COG7: variants seen among roughly 807,000 people sequenced by gnomAD.
COG7 encodes component of oligomeric golgi complex 7, also known as conserved oligomeric Golgi complex subunit 7.
COG7 carries 49 observed loss-of-function variants against 91.5 expected under a neutral mutation model. The observed-to-expected ratio is 0.54, with a 90% CI of 0.43 to 0.68. The LOEUF (loss-of-function observed/expected upper bound fraction) is 0.68. COG7 is among the 30% of genes least tolerant of loss of function. COG7 has a pLI of 0.00. For missense variants in COG7, 895 were observed against 961.3 expected (o/e 0.93, Z 0.91); for synonymous variants, 365 against 388.7 (o/e 0.94, Z 0.72).
In COG7 at chr16:23,452,971, T is replaced by G; in HGVS notation, c.24A>C (p.Ala8=). The G allele has an allele frequency of 1.9e-6, 3 of 1,614,096 alleles. No individual in the cohort carries two copies. Among genetic ancestry groups the G allele is most frequent in the Non-Finnish European group, 2.5e-6 (3 of 1,179,942 alleles). MDFSKFL[A]DDFDVKEWIN... ...TCCACTCCTTCACGTCGAAGTCGTCTGCCAGGAACTTGGAGAAGTCCATGG... is the reference window on the plus strand; with the variant it reads ...TCCACTCCTTCACGTCGAAGTCGTCGGCCAGGAACTTGGAGAAGTCCATGG... The change falls in exon 1 of 17, where the codon GCA becomes GCC. Residue 8 remains alanine (A), a synonymous_variant. Coordinates refer to ENST00000307149, the MANE Select transcript of COG7 (RefSeq NM_153603.4).
At position 23,434,126 on chromosome 16, in the gene COG7, C is replaced by T. The variant is rs988540575; in HGVS notation, c.688-459G>A. ...AGCAAACCTAGAAAACATAAAATTC[C>T]AAGCCAGGTGGAGTGGCACGCGCCT... On this transcript the variant is annotated intron_variant, in intron 5 of 16. Transcript: ENST00000307149. 2.0e-5 allele frequency among the ~76,000 whole-genome samples: 3 copies of T among 152,074 alleles called. No homozygotes were observed. In the South Asian group the frequency reaches 6.2e-4, roughly 32 times the overall value.
intron 9 of COG7, chr16:23,416,694 T>C: frequency 2.0e-6 from 1 of 495,852 alleles, no homozygotes; most frequent in South Asian, 2.2e-5. Flanking sequence ...GGTTTCTTTT[T>C]TTTTCTTAAC....
At chr16:23,417,309 T>C (rs940522773) in intron 8 of COG7, 188 bp from the exon 9 acceptor site, 1 of 632,490 alleles carries the variant, frequency 1.6e-6, no homozygotes, top group Non-Finnish European at 2.8e-6. Flanking sequence ...ATCAGTGGGA[T>C]CATGGAAATT....
chr16:23,445,116 C>G lies in COG7; in HGVS notation c.367G>C (p.Glu123Gln), dbSNP rs759438580. ...CACTTATCTGCTTCCTGAAGAGATTCGGCAGCAAGTTGCATTCTGGACTTC... is the reference window on the plus strand; with the variant it reads ...CACTTATCTGCTTCCTGAAGAGATTGGGCAGCAAGTTGCATTCTGGACTTC... ...QVKSRMQLAA[E>Q]SLQEADKWST... The change falls in exon 3 of 17, where the codon GAA becomes CAA. Residue 123 changes from glutamate to glutamine, a missense_variant. Transcript: ENST00000307149. 1 of 1,613,964 alleles carries G rather than the reference C, an allele frequency of 6.2e-7. No homozygotes were observed. The highest frequency in any genetic ancestry group is 1.3e-5 in the African/African-American group (1 of 74,896).
intron 10 of COG7, among the ~76,000 whole-genome samples, chr16:23,411,563 T>C (rs1268566790): frequency 6.6e-6 from 1 of 152,230 alleles, no homozygotes; most frequent in African/African-American, 2.4e-5. Context: ...GGTTTGTTAA[T>C]AGGTAAACGT....
intron 6 of COG7, among the ~76,000 whole-genome samples, chr16:23,430,574 C>T (rs1209383662): frequency 6.6e-6 from 1 of 151,238 alleles, no homozygotes; most frequent in African/African-American, 2.4e-5. Flanking sequence ...TGGATTCTCG[C>T]TCTGTTGCCC....
chr16:23,398,024 A>G, intron 14 of COG7, 22 bp downstream of exon 14: 1 of 1,604,284 alleles, frequency 6.2e-7, no homozygotes, highest in Non-Finnish European at 8.5e-7. Flanking sequence ...ACCACCCTGG[A>G]GAAGCACACA....
intron 11 of COG7, among the ~76,000 whole-genome samples, chr16:23,409,088 T>TGTGTGTGTGTGTGCGCGC (rs567307217): frequency 0.03 from 4,402 of 147,784 alleles, 119 homozygotes; most frequent in Admixed American, 0.06. Context: ...TGTGTGTGTG[T>TGTGTGTGTGTGTGCGCGC]GCGTGCATGT....
intron 6 of COG7, among the ~76,000 whole-genome samples, chr16:23,431,430 T>C (rs984604621): frequency 6.6e-6 from 1 of 152,228 alleles, no homozygotes; most frequent in Admixed American, 6.5e-5. Context: ...TTTTCTTAGA[T>C]GACGAAAGGC....
intron 13 of COG7, 33 bp downstream of exon 13, chr16:23,403,661 G>A (rs769705416): frequency 1.1e-5 from 18 of 1,613,048 alleles, no homozygotes; most frequent in African/African-American, 1.1e-4. Context: ...GGCAGGACCC[G>A]GGAAAAATTG....
At chr16:23,450,383 T>C (rs563775612) in intron 1 of COG7, among the ~76,000 whole-genome samples, 3 of 152,266 alleles carry the variant, frequency 2.0e-5, no homozygotes, top group South Asian at 4.1e-4. Context: ...CCAGATTCTA[T>C]TCTGAGTAAA....
At chr16:23,441,371 T>TC (rs1964098355) in intron 4 of COG7, among the ~76,000 whole-genome samples, 1 of 152,070 alleles carries the variant, frequency 6.6e-6, no homozygotes, top group South Asian at 2.1e-4. Context: ...GATCAGGAGT[T>TC]CAAGACCAGC....
In COG7 at chr16:23,453,144, C is replaced by G; in HGVS notation, c.-150G>C. The stretch of plus-strand genomic sequence containing the variant: ...CCAGGACGGGTAACTTGCCCCTTTG[C>G]GCTTCCCCGCTCAGCGCACTCAGTT... On this transcript the variant is annotated 5_prime_UTR_variant, in exon 1 of 17. Transcript: ENST00000307149. 6.9e-7 allele frequency: 1 copy of G among 1,443,748 alleles called. No homozygotes were observed. The highest frequency in any genetic ancestry group is 1.4e-5 in the South Asian group (1 of 70,548). 89.4% of individuals were successfully genotyped at this position (1,443,748 alleles called of 1,614,324 possible).
At position 23,445,969 on chromosome 16, in the gene COG7, TAA is replaced by T. The variant is rs71379679; in HGVS notation, c.170-10_170-9del. 0.037 allele frequency: 50,898 copies of T among 1,393,646 alleles called. 1 individual carries two copies. Among genetic ancestry groups the T allele is most frequent in the East Asian group, 0.066 (2,605 of 39,674 alleles). 86.3% of individuals were successfully genotyped at this position (1,393,646 alleles called of 1,614,324 possible). A position where few individuals can be genotyped will look rare whatever the true frequency, so the allele number is the denominator to read the frequency against. On this transcript the variant is annotated splice_polypyrimidine_tract_variant and intron_variant, in intron 1 of 16. Transcript: ENST00000307149. ...GAGCTTGGTGACTTGTTTCTGTAGTTAAAAAAAAAAAAAAAAACAACAACAAC... is the reference window on the plus strand; with the variant it reads ...GAGCTTGGTGACTTGTTTCTGTAGTTAAAAAAAAAAAAAAACAACAACAAC...
At chr16:23,422,678 G>C (rs1038970638) in intron 7 of COG7, among the ~76,000 whole-genome samples, 6 of 151,744 alleles carry the variant, frequency 4.0e-5, no homozygotes, top group Admixed American at 2.0e-4. Context: ...TTTTATTTTT[G>C]TGTGTGTTTC....
intron 16 of COG7, chr16:23,392,143 C>A (rs1963207134): frequency 7.1e-7 from 1 of 1,408,760 alleles, no homozygotes; most frequent in Non-Finnish European, 9.3e-7. Flanking sequence ...AAGCTCCCCT[C>A]AACGGTTCTC....
chr16:23,394,416 G>A (rs1355716668), intron 14 of COG7, among the ~76,000 whole-genome samples: 2 of 151,876 alleles, frequency 1.3e-5, no homozygotes, highest in East Asian at 1.9e-4. Context: ...GTGTTTTAAG[G>A]TTAAGTATGT....
chr16:23,426,154 T>G (rs892409465), intron 6 of COG7, among the ~76,000 whole-genome samples: 3 of 152,164 alleles, frequency 2.0e-5, no homozygotes, highest in African/African-American at 7.2e-5. Flanking sequence ...AGGCAGAGAT[T>G]GCAGTGAGCT....
intron 10 of COG7, among the ~76,000 whole-genome samples, chr16:23,412,080 C>A (rs1027653869): frequency 6.6e-6 from 1 of 152,098 alleles, no homozygotes; most frequent in African/African-American, 2.4e-5. Context: ...AGGGTTTCAC[C>A]ATGTTGGCCA....
Sources: gnomAD v4.1 joint callset for allele counts (sites outside exome capture counted in the v4.1 genomes callset) on GRCh38, gnomAD v4.1.1 for gene constraint, MANE v1.5 for transcripts, NCBI Gene and HGNC (gene_info 2026-07-23, HGNC 2026-07-21) for gene names.